The following GLIS2 variants were observed in gnomAD, a reference collection of about 807,000 sequenced individuals.
GLIS2 encodes GLIS family zinc finger 2, also known as zinc finger protein GLIS2.
Under a neutral mutation model 35.6 loss-of-function variants are expected in GLIS2, and 14 were observed. The ratio of observed to expected loss-of-function variants is 0.39; its 90% CI spans 0.26 to 0.61. The LOEUF is 0.61. Ranked by LOEUF, GLIS2 falls within the 20% of genes least tolerant of loss-of-function variation. The pLI is 0.48. For missense variants in GLIS2, 675 were observed against 713.4 expected (o/e 0.95, Z 0.61); for synonymous variants, 368 against 325.1 (o/e 1.13, Z -1.42).
rs80135821 is a variant in GLIS2, at chr16:4,333,365, A to C, written c.191A>C (p.Lys64Thr). Residue 64 changes from lysine (K) to threonine (T), a missense_variant, in exon 3 of 7, where the codon AAG becomes ACG. By Grantham distance (78) the Lys-to-Thr change is moderately conservative. Coordinates refer to ENST00000433375, the MANE Select transcript of GLIS2 (RefSeq NM_032575.3). Reference sequence around the variant, plus strand: ...CCCTCAGGCTTCCTGCTGAACTCCAAGTTCCCCGAGAAGGTGGAGGGACGC... The same window carrying C: ...CCCTCAGGCTTCCTGCTGAACTCCACGTTCCCCGAGAAGGTGGAGGGACGC... ...SPPSGFLLNS[K>T]FPEKVEGRFS... 1 of 1,612,988 alleles carries C rather than the reference A, an allele frequency of 6.2e-7. No individual in the cohort carries two copies. Among genetic ancestry groups the C allele is most frequent in the African/African-American group, 1.3e-5 (1 of 74,984 alleles).
chr16:4,318,091 G>A (rs2053335369), intron 1 of GLIS2, among the ~76,000 whole-genome samples: 1 of 152,302 alleles, frequency 6.6e-6, no homozygotes, highest in South Asian at 2.1e-4. Flanking sequence ...GCCCTGGGAA[G>A]CCAGACAGTG....
intron 1 of GLIS2, chr16:4,331,539 G>C (rs568615184): frequency 2.0e-5 from 3 of 153,468 alleles, no homozygotes; most frequent in African/African-American, 7.2e-5. Flanking sequence ...CTGCGTATGT[G>C]TCTTTAATTC....
chr16:4,320,047 T>TG lies in GLIS2; in HGVS notation c.-67+3799dup, dbSNP rs552556712. 1.2e-4 allele frequency among the ~76,000 whole-genome samples: 18 copies of TG among 145,724 alleles called. No homozygotes were observed. The highest frequency in any genetic ancestry group is 3.8e-4 in the African/African-American group (15 of 39,352). On this transcript the variant is annotated intron_variant, in intron 1 of 6. Transcript: ENST00000433375. The surrounding 1 kb of genome is among the most constrained non-coding windows in gnomAD (Gnocchi z 5.6). The stretch of plus-strand genomic sequence containing the variant: ...GCTGAGACTCTTCCAGTTCGATGGC[T>TG]GGGGGGCGGGTGACTTGGGCTCCTC...
chr16:4,336,539 T>C (rs2053553020), intron 6 of GLIS2, 186 bp from the exon 7 acceptor site: 1 of 686,738 alleles, frequency 1.5e-6, no homozygotes, highest in Non-Finnish European at 2.6e-6. Flanking sequence ...CAGGCTGAGT[T>C]TTCAGCCTCT....
intron 1 of GLIS2, chr16:4,331,864 G>A (rs1265765954): frequency 1.4e-5 from 4 of 277,534 alleles, no homozygotes; most frequent in South Asian, 3.9e-5. Flanking sequence ...TGGGAGGATC[G>A]CTTGAGCCTA....
rs2053552359 is a variant in GLIS2, at chr16:4,336,453, GC to G, written c.776-270del. 48 of 601,432 alleles carry G rather than the reference GC, an allele frequency of 8.0e-5. No individual in the cohort carries two copies. In the East Asian group the frequency reaches 1.3e-3, roughly 17 times the overall value. The allele number at this position is 601,432 out of a possible 1,614,324, so 37.3% of individuals were successfully genotyped here. A position where few individuals can be genotyped will look rare whatever the true frequency, so the allele number is the denominator to read the frequency against. On this transcript the variant is annotated intron_variant, in intron 6 of 6. Transcript: ENST00000433375. The stretch of plus-strand genomic sequence containing the variant: ...TGAGCCACCGGGCCCGGCCTCCAAG[GC>G]CATGTTCTGCTGCTGAAAGGCACAT...
rs2053509773 is a variant in GLIS2 at position 4,332,566 on chromosome 16, CAT to C, written c.172+115_172+116del. On this transcript the variant is annotated intron_variant, in intron 2 of 6. Coordinates refer to ENST00000433375, the MANE Select transcript of GLIS2 (RefSeq NM_032575.3). The surrounding 1 kb of genome is among the most constrained non-coding windows in gnomAD (Gnocchi z 5.4). ...CTGCAGCCCCTCTCGGCTTCCGGTT[CAT>C]GGGAAGCCCGCACGCTTGTCCTTCC... 3 of 1,233,052 alleles carry C rather than the reference CAT, an allele frequency of 2.4e-6. No homozygotes were observed. The highest frequency in any genetic ancestry group is 1.5e-5 in the African/African-American group (1 of 67,426). 76.4% of individuals were successfully genotyped at this position (1,233,052 alleles called of 1,614,324 possible).
rs1031999619 is a variant in GLIS2 at position 4,338,819 on chromosome 16, C to T, written c.*1295C>T. ...AGGGCCTTGTGCCCCAGTCCCATCC[C>T]AGGACGCCCTGAGGGATGGACGCAG... On this transcript the variant is annotated 3_prime_UTR_variant, in exon 7 of 7. Transcript: ENST00000433375. The T allele has an allele frequency of 6.6e-6, 1 of 152,322 alleles. No individual in the cohort carries two copies. The highest frequency in any genetic ancestry group is 1.5e-5 in the Non-Finnish European group (1 of 68,090). 9.4% of individuals were successfully genotyped at this position (152,322 alleles called of 1,614,324 possible).
In GLIS2 at chr16:4,337,781, C is replaced by T; in HGVS notation, c.*257C>T. Reference sequence around the variant, plus strand: ...TCCTGTCTGTCCCCCACCACCTGGCCCTCAGCTTCTGAGAGGCTTTCCCCT... The same window carrying T: ...TCCTGTCTGTCCCCCACCACCTGGCTCTCAGCTTCTGAGAGGCTTTCCCCT... On this transcript the variant is annotated 3_prime_UTR_variant, in exon 7 of 7. Coordinates refer to ENST00000433375, the MANE Select transcript of GLIS2 (RefSeq NM_032575.3). The T allele has an allele frequency of 1.7e-6, 1 of 598,342 alleles. No individual in the cohort carries two copies. Among genetic ancestry groups the T allele is most frequent in the Admixed American group, 2.8e-5 (1 of 35,608 alleles). The allele number at this position is 598,342 out of a possible 1,614,324, so 37.1% of individuals were successfully genotyped here.
At chr16:4,319,332 G>T (rs2053350147) in intron 1 of GLIS2, among the ~76,000 whole-genome samples, 2 of 152,172 alleles carry the variant, frequency 1.3e-5, no homozygotes, top group Admixed American at 1.3e-4. Flanking sequence ...GCTTGGCGGG[G>T]CTGTGTATTG....
At chr16:4,324,130 G>A (rs140025681) in intron 1 of GLIS2, among the ~76,000 whole-genome samples, 40 of 152,312 alleles carry the variant, frequency 2.6e-4, no homozygotes, top group Non-Finnish European at 4.7e-4. Flanking sequence ...TTCCCACCCC[G>A]GGAGGGGGTC....
chr16:4,330,180 G>A (rs548326974), intron 1 of GLIS2, among the ~76,000 whole-genome samples: 2 of 152,042 alleles, frequency 1.3e-5, no homozygotes, highest in South Asian at 4.1e-4. Context: ...GGGAGGCTGA[G>A]GCAGGACAAT....
chr16:4,320,523 C>T lies in GLIS2; in HGVS notation c.-67+4269C>T, dbSNP rs1330630606. Among the ~76,000 whole-genome samples, 2 of 151,952 alleles carry T rather than the reference C, an allele frequency of 1.3e-5. No homozygotes were observed. Among genetic ancestry groups the T allele is most frequent in the African/African-American group, 4.8e-5 (2 of 41,248 alleles). On this transcript the variant is annotated intron_variant, in intron 1 of 6. Transcript: ENST00000433375. This position sits in a 1 kb window ranked among gnomAD's most constrained non-coding sequence, Gnocchi z 5.6. ...AGTCTGGGGCTGTCTGGCCCTGACC[C>T]CTGAAATGTCGGTTTAGCCTGGGAA...
chr16:4,317,828 C>T (rs928941107), intron 1 of GLIS2, among the ~76,000 whole-genome samples: 1 of 152,168 alleles, frequency 6.6e-6, no homozygotes, highest in Non-Finnish European at 1.5e-5. Context: ...GTGCGGACCC[C>T]TTGGAAGCAA....
intron 1 of GLIS2, among the ~76,000 whole-genome samples, 59 bp downstream of exon 1, chr16:4,316,313 C>G (rs1037756675): frequency 1.1e-4 from 15 of 132,738 alleles, no homozygotes; most frequent in East Asian, 4.5e-4. Context: ...GGGGGGGGGG[C>G]CCGCCTGTCG....
intron 1 of GLIS2, among the ~76,000 whole-genome samples, chr16:4,327,163 G>A (rs905774703): frequency 2.6e-5 from 4 of 152,178 alleles, no homozygotes; most frequent in African/African-American, 7.2e-5. Context: ...CAATGTGCTG[G>A]GCTTACAGGC....
rs2053369156 is a variant in GLIS2 at position 4,320,684 on chromosome 16, G to T, written c.-67+4430G>T. On this transcript the variant is annotated intron_variant, in intron 1 of 6. Transcript: ENST00000433375. This position sits in a 1 kb window ranked among gnomAD's most constrained non-coding sequence, Gnocchi z 5.6. ...AGCAAGTCCCGGCCTGCCTGGGCCA[G>T]TTCTCCCCTGGGCCACTCCCACCTT... Among the ~76,000 whole-genome samples the T allele has an allele frequency of 6.6e-6, 1 of 152,122 alleles. No homozygotes were observed. The highest frequency in any genetic ancestry group is 1.5e-5 in the Non-Finnish European group (1 of 68,006).
At position 4,339,361 on chromosome 16, in the gene GLIS2, C is replaced by T. The variant is rs766505022; in HGVS notation, c.*1837C>T. The T allele has an allele frequency of 2.0e-5, 3 of 152,708 alleles. No individual in the cohort carries two copies. The highest frequency in any genetic ancestry group is 1.9e-4 in the East Asian group (1 of 5,200). 9.5% of individuals were successfully genotyped at this position (152,708 alleles called of 1,614,324 possible). On this transcript the variant is annotated 3_prime_UTR_variant, in exon 7 of 7. Coordinates refer to ENST00000433375, the MANE Select transcript of GLIS2 (RefSeq NM_032575.3). ...ATGCGACTCGGTGACGGACCAGGCT[C>T]GGCAGGGCCGGTGTACTTTTTGTGG...
In GLIS2 at chr16:4,320,041, G is replaced by A. The variant is rs79185495; in HGVS notation, c.-67+3787G>A. ...GTGGGGGCTGAGACTCTTCCAGTTC[G>A]ATGGCTGGGGGGCGGGTGACTTGGG... is the stretch of plus-strand genomic sequence containing the variant. On this transcript the variant is annotated intron_variant, in intron 1 of 6. Transcript: ENST00000433375. The surrounding 1 kb of genome is among the most constrained non-coding windows in gnomAD (Gnocchi z 5.6). Among the ~76,000 whole-genome samples, 336 of 151,024 alleles carry A rather than the reference G, an allele frequency of 2.2e-3. 5 individuals are homozygous for A. In the East Asian group the frequency reaches 0.055, roughly 25 times the overall value.
Sources: allele counts gnomAD v4.1 joint callset (sites outside exome capture counted in the v4.1 genomes callset), GRCh38; gene constraint gnomAD v4.1.1; non-coding constraint Gnocchi (gnomAD v3.1); transcripts MANE v1.5; gene names NCBI Gene and HGNC (gene_info 2026-07-23, HGNC 2026-07-21).